CUEDC1: variants seen among roughly 807,000 people sequenced by gnomAD.
CUEDC1 encodes the protein CUE domain-containing protein 1.
A neutral mutation model predicts 43.7 loss-of-function variants in CUEDC1; 30 were observed. That is an observed-to-expected ratio of 0.69 (90% CI 0.51 to 0.93). The LOEUF (loss-of-function observed/expected upper bound fraction) is 0.93. Among genes scored for constraint, CUEDC1 ranks in the 40% least tolerant of loss-of-function variants. CUEDC1 has a pLI of 0.00. For missense variants in CUEDC1, 486 were observed against 549.0 expected, an observed-to-expected ratio of 0.89 and a Z score of 1.15; for synonymous variants, 223 against 223.6, an observed-to-expected ratio of 1.00 and a Z score of 0.02.
chr17:57,874,747 G>GT lies in CUEDC1; in HGVS notation c.465-1031dup, dbSNP rs766340743. On this transcript the variant is annotated intron_variant, in intron 3 of 10. Coordinates refer to ENST00000577830, the MANE Select transcript of CUEDC1 (RefSeq NM_001271875.2). ...AGCTCTCGGGCCTGGCTTTGATTTG[G>GT]TCTTCAGCTCTAGGAATCCCGCCCG... is the stretch of plus-strand genomic sequence containing the variant. Among the ~76,000 whole-genome samples, 7 of 152,328 alleles carry GT rather than the reference G, an allele frequency of 4.6e-5. No homozygotes were observed. The East Asian group carries it at 9.7e-4, about 21-fold the overall frequency.
chr17:57,866,472 A>C lies in CUEDC1; in HGVS notation c.*3+2T>G. 3.1e-6 allele frequency: 5 copies of C among 1,613,964 alleles called. No individual in the cohort carries two copies. Among genetic ancestry groups the C allele is most frequent in the Non-Finnish European group, 4.2e-6 (5 of 1,179,904 alleles). ...CTGGGTTGCTATGGCTCCAGGCCTT[A>C]CCTCTTACTGTCCTTCTCGCAGGCC... On this transcript the variant is annotated splice_donor_variant, in intron 10 of 10. Transcript: ENST00000577830. LOFTEE classifies it low-confidence loss of function (3UTR_SPLICE).
In CUEDC1 at chr17:57,953,702, T is replaced by C. The variant is rs146469944; in HGVS notation, c.-316+1523A>G. ...CCATGACTCCAACCTCTGGCCCTAG[T>C]TGGCCTGGCCCAGGAGCTGGGGATA... On this transcript the variant is annotated intron_variant, in intron 1 of 10. Coordinates refer to ENST00000577830, the MANE Select transcript of CUEDC1 (RefSeq NM_001271875.2). 6.5e-3 allele frequency among the ~76,000 whole-genome samples: 987 copies of C among 152,342 alleles called. 10 individuals are homozygous for C. Among genetic ancestry groups the C allele is most frequent in the Non-Finnish European group, 0.01 (681 of 68,022 alleles).
In CUEDC1 at chr17:57,862,890, C is replaced by T. The variant is rs969384955; in HGVS notation, c.*399G>A. ...GAACGGACGGAGGCAGAGACTCCAC[C>T]TTCAGGCCAAAGAGCCTCTGGTGGG... On this transcript the variant is annotated 3_prime_UTR_variant, in exon 11 of 11. Transcript: ENST00000577830. The T allele has an allele frequency of 1.3e-5, 2 of 152,134 alleles. No individual in the cohort carries two copies. Among genetic ancestry groups the T allele is most frequent in the South Asian group, 2.1e-4 (1 of 4,830 alleles). 9.4% of individuals were successfully genotyped at this position (152,134 alleles called of 1,614,324 possible).
intron 1 of CUEDC1, among the ~76,000 whole-genome samples, chr17:57,933,688 C>A (rs1373907424): frequency 1.3e-5 from 2 of 152,196 alleles, no homozygotes; most frequent in Non-Finnish European, 2.9e-5. Context: ...CCCCACCTCT[C>A]CCGGCCAGAC....
chr17:57,877,329 A>G (rs2074139656), intron 3 of CUEDC1, among the ~76,000 whole-genome samples: 1 of 152,120 alleles, frequency 6.6e-6, no homozygotes, highest in Admixed American at 6.6e-5. Flanking sequence ...TATCCATACC[A>G]CATTTATACT....
In CUEDC1 at chr17:57,868,240, G is replaced by A; in HGVS notation, c.944C>T (p.Thr315Ile). The A allele has an allele frequency of 1.2e-6, 2 of 1,614,102 alleles. No homozygotes were observed. Among genetic ancestry groups the A allele is most frequent in the African/African-American group, 1.3e-5 (1 of 75,038 alleles). The change falls in exon 8 of 11, where the codon ACC (threonine) becomes ATC (isoleucine). Residue 315 changes from threonine to isoleucine, a missense_variant. Physicochemically the swap from Thr to Ile is moderately conservative, Grantham distance 89. Transcript: ENST00000577830. ...RDKLKHMGKS[T>I]RRKLFELARA... is the part of the protein sequence containing the mutation. ...GGCAAGTTCAAACAGTTTCCTCCGG[G>A]TGGCTGGGGGCAGAGAGACCTGTGA...
chr17:57,873,782 A>G, intron 3 of CUEDC1, 65 bp from the exon 4 acceptor site: 3 of 1,450,972 alleles, frequency 2.1e-6, no homozygotes, highest in Non-Finnish European at 2.7e-6. Flanking sequence ...TCCTGGCCCC[A>G]TCACACCAGG....
intron 3 of CUEDC1, among the ~76,000 whole-genome samples, chr17:57,875,080 A>G (rs534198532): frequency 8.1e-4 from 123 of 152,008 alleles, no homozygotes; most frequent in African/African-American, 2.8e-3. Context: ...TTTCTACATC[A>G]CTGCCACCTT....
At chr17:57,889,401 A>C (rs2074332410) in intron 1 of CUEDC1, among the ~76,000 whole-genome samples, 1 of 151,818 alleles carries the variant, frequency 6.6e-6, no homozygotes, top group Non-Finnish European at 1.5e-5. Context: ...GGAAATATTG[A>C]TCCTCATGGC....
At chr17:57,868,022 G>A (rs1193969527) in intron 8 of CUEDC1, 128 bp downstream of exon 8, 2 of 741,954 alleles carry the variant, frequency 2.7e-6, no homozygotes, top group East Asian at 2.6e-5. Context: ...GAGGGGAGGA[G>A]GAAGGGAAGG....
intron 1 of CUEDC1, among the ~76,000 whole-genome samples, chr17:57,925,378 T>C (rs1260550000): frequency 6.6e-6 from 1 of 152,092 alleles, no homozygotes; most frequent in Non-Finnish European, 1.5e-5. Flanking sequence ...ACAGCTGTAA[T>C]CTAGAGGCCC....
rs552535549 is a variant in CUEDC1 at position 57,909,977 on chromosome 17, G to GGTATTGTTTT, written c.-315-24099_-315-24098insAAAACAATAC. Among the ~76,000 whole-genome samples the GGTATTGTTTT allele has an allele frequency of 3.0e-4, 46 of 152,250 alleles. No individual in the cohort carries two copies. The East Asian group carries it at 8.5e-3, about 28-fold the overall frequency. On this transcript the variant is annotated intron_variant, in intron 1 of 10. Transcript: ENST00000577830. ...ACACAATGACTGGGTGTTTGGTTCT[G>GGTATTGTTTT]GTTTTGTTTTGTTTTGTTTTGTTTT...
rs571190354 is a variant in CUEDC1 at position 57,951,125 on chromosome 17, A to C, written c.-316+4100T>G. On this transcript the variant is annotated intron_variant, in intron 1 of 10. Transcript: ENST00000577830. ...ACCCCACCCCCTCCCACTCTTCCAA[A>C]ATCCACCCTCAGCCTCTACAGTTTT... 3.8e-3 allele frequency among the ~76,000 whole-genome samples: 577 copies of C among 150,794 alleles called. 2 individuals are homozygous for C. The highest frequency in any genetic ancestry group is 0.014 in the Middle Eastern group (4 of 290).
chr17:57,906,526 G>A (rs1419828184), intron 1 of CUEDC1, among the ~76,000 whole-genome samples: 1 of 152,218 alleles, frequency 6.6e-6, no homozygotes, highest in Non-Finnish European at 1.5e-5. Flanking sequence ...ACAAGTTCTG[G>A]AAATGGATAG....
In CUEDC1 at chr17:57,862,311, A is replaced by AAAGGG. The variant is rs1568022576; in HGVS notation, c.*977_*978insCCCTT. The AAAGGG allele has an allele frequency of 6.5e-6, 1 of 153,030 alleles. No individual in the cohort carries two copies. Among genetic ancestry groups the AAAGGG allele is most frequent in the Non-Finnish European group, 1.5e-5 (1 of 68,786 alleles). The allele number at this position is 153,030 out of a possible 1,614,324, so 9.5% of individuals were successfully genotyped here. On this transcript the variant is annotated 3_prime_UTR_variant, in exon 11 of 11. Transcript: ENST00000577830. ...GCAAGCCCTTATGCCCTAGGCGCTC[A>AAAGGG]CCCAGGCTGGCGGCCTTTCCGCCTT... is the stretch of plus-strand genomic sequence containing the variant.
intron 1 of CUEDC1, among the ~76,000 whole-genome samples, chr17:57,887,734 ACGTCAGG>A (rs2074310739): frequency 7.5e-6 from 1 of 133,228 alleles, no homozygotes; most frequent in South Asian, 2.4e-4. Flanking sequence ...CAAACTCCTG[ACGTCAGG>A]TGATCTGCCC....
At position 57,885,228 on chromosome 17, in the gene CUEDC1, C is replaced by T. The variant is rs1293147424; in HGVS notation, c.336+1G>A. 6.4e-7 allele frequency: 1 copy of T among 1,565,412 alleles called. No individual in the cohort carries two copies. The highest frequency in any genetic ancestry group is 1.4e-5 in the African/African-American group (1 of 72,974). On this transcript the variant is annotated splice_donor_variant, in intron 2 of 10. Coordinates refer to ENST00000577830, the MANE Select transcript of CUEDC1 (RefSeq NM_001271875.2). LOFTEE classifies it high-confidence loss of function. ...TGGAATTACCCGGGCTGCGCCCCTA[C>T]CTCCGGGGGGATGCTGTCCTCCGAG...
At chr17:57,882,186 G>T (rs769263007) in intron 2 of CUEDC1, among the ~76,000 whole-genome samples, 1 of 151,448 alleles carries the variant, frequency 6.6e-6, no homozygotes, top group African/African-American at 2.4e-5. Flanking sequence ...CCCAGAAAGG[G>T]TTTTTTTTTC....
chr17:57,942,548 C>T (rs1422309950), intron 1 of CUEDC1, among the ~76,000 whole-genome samples: 1 of 151,816 alleles, frequency 6.6e-6, no homozygotes, highest in East Asian at 2.0e-4. Flanking sequence ...ACCACCACAC[C>T]CAGCTAATTT....
Sources: gnomAD v4.1 joint callset for allele counts (sites outside exome capture counted in the v4.1 genomes callset) on GRCh38, gnomAD v4.1.1 for gene constraint, MANE v1.5 for transcripts, NCBI Gene and HGNC (gene_info 2026-07-23, HGNC 2026-07-21) for gene names.